Variants in HMCN1 observed in about 807,000 individuals in gnomAD.
HMCN1 encodes hemicentin-1.
In HMCN1, 321 loss-of-function variants were observed where a neutral mutation model predicts 625.9. The ratio of observed to expected loss-of-function variants is 0.51; its 90% CI spans 0.47 to 0.56. The LOEUF (loss-of-function observed/expected upper bound fraction) is 0.56. Among genes scored for constraint, HMCN1 ranks in the 20% least tolerant of loss-of-function variants. The pLI is 0.00. For missense variants in HMCN1, 6,588 were observed against 6,887.3 expected (o/e 0.96, Z 1.54); for synonymous variants, 2,425 against 2,417.6 (o/e 1.00, Z -0.09).
chr1:185,781,215 T>C (rs1385519932), intron 1 of HMCN1, among the ~76,000 whole-genome samples: 1 of 152,226 alleles, frequency 6.6e-6, no homozygotes, highest in Non-Finnish European at 1.5e-5. Context: ...CATTTTTTAT[T>C]GCATCTATTT....
intron 1 of HMCN1, among the ~76,000 whole-genome samples, chr1:185,756,020 G>C (rs1655112141): frequency 6.6e-6 from 1 of 152,078 alleles, no homozygotes; most frequent in African/African-American, 2.4e-5. Flanking sequence ...CAGGAGAACT[G>C]TACTCTGTAC....
intron 100 of HMCN1, among the ~76,000 whole-genome samples, chr1:186,169,706 A>G (rs1383573753): frequency 6.6e-6 from 1 of 152,172 alleles, no homozygotes; most frequent in Non-Finnish European, 1.5e-5. Flanking sequence ...ACTTAAACGT[A>G]AGACCTAAAA....
chr1:185,755,854 C>A (rs1655100474), intron 1 of HMCN1, among the ~76,000 whole-genome samples: 1 of 152,156 alleles, frequency 6.6e-6, no homozygotes, highest in Non-Finnish European at 1.5e-5. Context: ...AAGTTCTTTT[C>A]CCAGTGTTAC....
At chr1:185,847,087 G>C (rs1317987131) in intron 2 of HMCN1, among the ~76,000 whole-genome samples, 1 of 151,924 alleles carries the variant, frequency 6.6e-6, no homozygotes, top group Non-Finnish European at 1.5e-5. Flanking sequence ...CTGTCTCCCA[G>C]GCCATCAGAT....
At chr1:186,090,052 A>G (rs998423184) in intron 63 of HMCN1, among the ~76,000 whole-genome samples, 8 of 151,942 alleles carry the variant, frequency 5.3e-5, no homozygotes, top group Non-Finnish European at 1.2e-4. Flanking sequence ...GAGTGGGGAA[A>G]ACATGTACAA....
At chr1:185,777,035 G>A (rs1656663260) in intron 1 of HMCN1, among the ~76,000 whole-genome samples, 1 of 152,214 alleles carries the variant, frequency 6.6e-6, no homozygotes, top group Non-Finnish European at 1.5e-5. Flanking sequence ...CTGTTCAAGT[G>A]TAAAAGTGAA....
Position 186,095,499 on chromosome 1 carries a change from G to C in HMCN1, c.10551G>C (p.Lys3517Asn). Reference protein sequence around the residue: ...IASNEAGEVSKHFILKVLEPP... With the variant: ...IASNEAGEVSNHFILKVLEPP... ...CAAATGAAGCTGGAGAAGTCAGCAA[G>C]CACTTTATCCTCAAGGTCCTAGGTA... is the stretch of plus-strand genomic sequence containing the variant. The change falls in exon 68 of 107, where the codon AAG (lysine) becomes AAC (asparagine). Residue 3517 changes from lysine to asparagine, a missense_variant. This residue lies in a region of HMCN1 where 4,628 missense variants were observed against 4,853.1 expected (regional missense o/e 0.95). Coordinates refer to ENST00000271588, the MANE Select transcript of HMCN1 (RefSeq NM_031935.3). The C allele has an allele frequency of 6.2e-7, 1 of 1,613,590 alleles. No homozygotes were observed. The highest frequency in any genetic ancestry group is 1.1e-5 in the South Asian group (1 of 91,078).
At chr1:185,956,733 T>C (rs925200421) in intron 11 of HMCN1, among the ~76,000 whole-genome samples, 1 of 152,260 alleles carries the variant, frequency 6.6e-6, no homozygotes, top group African/African-American at 2.4e-5. Flanking sequence ...TCCCTGGATT[T>C]TGAGGGTGGG....
At chr1:185,746,568 G>C (rs1202332491) in intron 1 of HMCN1, among the ~76,000 whole-genome samples, 1 of 149,714 alleles carries the variant, frequency 6.7e-6, no homozygotes, top group Non-Finnish European at 1.5e-5. Context: ...TCGTCACATG[G>C]TGTTATCTTT....
intron 91 of HMCN1, 81 bp from the exon 92 acceptor site, chr1:186,145,322 A>G (rs1351131716): frequency 7.2e-7 from 1 of 1,386,686 alleles, no homozygotes; most frequent in Admixed American, 2.4e-5. Flanking sequence ...TTTTTTTTTA[A>G]TACTTTTTGG....
chr1:186,155,616 A>G (rs1007420266), intron 97 of HMCN1, among the ~76,000 whole-genome samples: 1 of 152,218 alleles, frequency 6.6e-6, no homozygotes, highest in Non-Finnish European at 1.5e-5. Flanking sequence ...AAAACTGCTT[A>G]AAGATCTTTG....
rs144612272 is a variant in HMCN1, at chr1:185,969,451, G to A, written c.2213-884G>A. 3.4e-3 allele frequency among the ~76,000 whole-genome samples: 516 copies of A among 152,230 alleles called. 5 individuals are homozygous for A. Among genetic ancestry groups the A allele is most frequent in the South Asian group, 4.1e-3 (20 of 4,820 alleles). ...TCCATTTGTTGCCCCGAGTCTGTTG[G>A]CTGTTGCTGTTTGCAGTCTCCTAGA... On this transcript the variant is annotated intron_variant, in intron 14 of 106. Coordinates refer to ENST00000271588, the MANE Select transcript of HMCN1 (RefSeq NM_031935.3).
intron 1 of HMCN1, among the ~76,000 whole-genome samples, chr1:185,827,003 T>C (rs1660557092): frequency 6.6e-6 from 1 of 151,296 alleles, no homozygotes; most frequent in South Asian, 2.1e-4. Context: ...AGTGAAACCT[T>C]GTCTCTACTA....
At chr1:185,974,272 C>T (rs549657060) in intron 15 of HMCN1, among the ~76,000 whole-genome samples, 1 of 152,222 alleles carries the variant, frequency 6.6e-6, no homozygotes, top group South Asian at 2.1e-4. Context: ...TAACCATAGA[C>T]TTATTAAACT....
chr1:185,970,267 A>T, intron 14 of HMCN1, 68 bp from the exon 15 acceptor site: 1 of 1,439,026 alleles, frequency 6.9e-7, no homozygotes, highest in Non-Finnish European at 9.8e-7. Context: ...TTTTGAAATT[A>T]AACCAATAGC....
intron 1 of HMCN1, among the ~76,000 whole-genome samples, chr1:185,806,761 AG>A (rs1043751151): frequency 4.9e-4 from 75 of 152,260 alleles, no homozygotes; most frequent in Non-Finnish European, 1.0e-3. Flanking sequence ...CCCACTACAA[AG>A]TTTTGTATTG....
chr1:185,952,799 A>G (rs117755090), intron 11 of HMCN1, among the ~76,000 whole-genome samples: 3,969 of 151,736 alleles, frequency 0.026, 227 homozygotes, highest in African/African-American at 0.086. Flanking sequence ...AGGCAAGCCT[A>G]GAGAAAAAGA....
chr1:185,783,960 G>T (rs1557965776), intron 1 of HMCN1, among the ~76,000 whole-genome samples: 1 of 152,202 alleles, frequency 6.6e-6, no homozygotes, highest in African/African-American at 2.4e-5. Flanking sequence ...GTCTACAGAG[G>T]CAGGCAGCCT....
At chr1:185,852,603 C>G (rs1029437954) in intron 2 of HMCN1, among the ~76,000 whole-genome samples, 5 of 150,958 alleles carry the variant, frequency 3.3e-5, no homozygotes, top group Non-Finnish European at 7.4e-5. Context: ...CACACACACA[C>G]ACACACACAC....
Sources: gnomAD v4.1 joint callset for allele counts (sites outside exome capture counted in the v4.1 genomes callset) on GRCh38, gnomAD v4.1.1 for gene constraint, gnomAD v4.1.1 regional missense constraint, MANE v1.5 for transcripts, NCBI Gene and HGNC (gene_info 2026-07-23, HGNC 2026-07-21) for gene names.